Variants in SPARCL1 observed in about 807,000 individuals in gnomAD.
The protein encoded by SPARCL1 is SPARC-like protein 1.
SPARCL1 carries 52 observed loss-of-function variants against 67.1 expected under a neutral mutation model. The observed-to-expected ratio is 0.78, with a 90% CI of 0.62 to 0.98. The LOEUF is 0.98. Ranked by LOEUF, SPARCL1 falls within the 50% of genes least tolerant of loss-of-function variation. The probability of loss-of-function intolerance (pLI) is 0.00; values close to 1 mark genes in which losing one functional copy is unlikely to be tolerated. For synonymous variants in SPARCL1, 226 were observed against 267.8 expected (o/e 0.84, Z 1.52); for missense variants, 717 against 782.4 (o/e 0.92, Z 1.00).
intron 1 of SPARCL1, among the ~76,000 whole-genome samples, chr4:87,510,528 G>A (rs189137725): frequency 4.6e-5 from 7 of 152,272 alleles, no homozygotes; most frequent in Admixed American, 2.0e-4. Flanking sequence ...GCCTGATGTC[G>A]AGAAGAAGCG....
In SPARCL1 at chr4:87,490,174, A is replaced by G. The variant is rs569872395; in HGVS notation, c.1531+99T>C. The G allele has an allele frequency of 6.9e-6, 9 of 1,311,758 alleles. No individual in the cohort carries two copies. In the African/African-American group the frequency reaches 1.2e-4, roughly 18 times the overall value. 81.3% of individuals were successfully genotyped at this position (1,311,758 alleles called of 1,614,324 possible). ...TGATAATTTTTGTGTTCAGAACTAC[A>G]TCAGCTTTTCCCTGTTTGCATATAG... On this transcript the variant is annotated intron_variant, in intron 7 of 10. Coordinates refer to ENST00000282470, the MANE Select transcript of SPARCL1 (RefSeq NM_004684.6).
intron 2 of SPARCL1, among the ~76,000 whole-genome samples, chr4:87,496,458 A>G (rs570943477): frequency 6.6e-6 from 1 of 152,178 alleles, no homozygotes; most frequent in Admixed American, 6.5e-5. Flanking sequence ...AACTCAAGCA[A>G]TCTTCCTGTC....
chr4:87,494,159 T>C lies in SPARCL1; in HGVS notation c.641A>G (p.His214Arg). 2 of 1,613,866 alleles carry C rather than the reference T, an allele frequency of 1.2e-6. No homozygotes were observed. Among genetic ancestry groups the C allele is most frequent in the Non-Finnish European group, 1.7e-6 (2 of 1,180,022 alleles). ...TGTCTTTCTTTCTTGGTTATCATTGTGGGTACCAACTTCACCTGGCTCTTT... is the reference window on the plus strand; with the variant it reads ...TGTCTTTCTTTCTTGGTTATCATTGCGGGTACCAACTTCACCTGGCTCTTT... ...EEKEPGEVGT[H>R]NDNQERKTEL... Residue 214 changes from histidine to arginine, a missense_variant, in exon 4 of 11, where the codon CAC becomes CGC. His to Arg is a conservative substitution (Grantham distance 29). Coordinates refer to ENST00000282470, the MANE Select transcript of SPARCL1 (RefSeq NM_004684.6).
chr4:87,513,520 C>T (rs545606759), intron 1 of SPARCL1, among the ~76,000 whole-genome samples: 17 of 152,276 alleles, frequency 1.1e-4, no homozygotes, highest in African/African-American at 3.1e-4. Context: ...CAGTTCCTTC[C>T]GATGTCAAAG....
intron 1 of SPARCL1, among the ~76,000 whole-genome samples, chr4:87,523,544 A>C (rs1400866378): frequency 1.3e-5 from 2 of 152,180 alleles, no homozygotes; most frequent in Admixed American, 1.3e-4. Context: ...CTGGGGATTA[A>C]ATTTGCAGCA....
At chr4:87,523,260 C>A (rs377359974) in intron 1 of SPARCL1, among the ~76,000 whole-genome samples, 221 of 140,184 alleles carry the variant, frequency 1.6e-3, no homozygotes, top group African/African-American at 2.3e-3. Flanking sequence ...GACTCTGTCT[C>A]AAAAAAAAAA....
rs1188563356 is a variant in SPARCL1 at position 87,518,253 on chromosome 4, A to G, written c.-12+10792T>C. ...AGCAAGGAAAAGACACAGCTTGCCCACAGCTGGTCCACAGCTGTTAATTCT... is the reference window on the plus strand; with the variant it reads ...AGCAAGGAAAAGACACAGCTTGCCCGCAGCTGGTCCACAGCTGTTAATTCT... On this transcript the variant is annotated intron_variant, in intron 1 of 10. Transcript: ENST00000282470. 2.6e-5 allele frequency among the ~76,000 whole-genome samples: 4 copies of G among 152,330 alleles called. No homozygotes were observed. In the East Asian group the frequency reaches 7.7e-4, roughly 29 times the overall value.
At chr4:87,517,803 TG>T in intron 1 of SPARCL1, among the ~76,000 whole-genome samples, 1 of 152,158 alleles carries the variant, frequency 6.6e-6, no homozygotes, top group East Asian at 1.9e-4. Flanking sequence ...AATTATTTAT[TG>T]GGGGGTAGTT....
rs543571417 is a variant in SPARCL1 at position 87,520,148 on chromosome 4, G to A, written c.-12+8897C>T. Reference sequence around the variant, plus strand: ...CCAGCTACTCAGGAGGCTGAGGCAGGAGAATCACTTGAGCTGGGTAGGCGG... The same window carrying A: ...CCAGCTACTCAGGAGGCTGAGGCAGAAGAATCACTTGAGCTGGGTAGGCGG... On this transcript the variant is annotated intron_variant, in intron 1 of 10. Coordinates refer to ENST00000282470, the MANE Select transcript of SPARCL1 (RefSeq NM_004684.6). Among the ~76,000 whole-genome samples, 19 of 149,848 alleles carry A rather than the reference G, an allele frequency of 1.3e-4. No homozygotes were observed. In the South Asian group the frequency reaches 3.4e-3, roughly 27 times the overall value.
chr4:87,524,491 G>C (rs1215071063), intron 1 of SPARCL1, among the ~76,000 whole-genome samples: 1 of 152,126 alleles, frequency 6.6e-6, no homozygotes, highest in Non-Finnish European at 1.5e-5. Flanking sequence ...GGACCTTCAG[G>C]CTTCTAAAAA....
At chr4:87,492,976 A>G (rs918749724) in intron 4 of SPARCL1, among the ~76,000 whole-genome samples, 2 of 152,218 alleles carry the variant, frequency 1.3e-5, no homozygotes, top group Non-Finnish European at 2.9e-5. Flanking sequence ...TTTGTTGGAC[A>G]CTGGTGATTC....
In SPARCL1 at chr4:87,493,756, G is replaced by A. The variant is rs770599706; in HGVS notation, c.1044C>T (p.Gly348=). The part of the protein sequence containing the change: ...DDDGDDDGDD[G]GTDGPRHSAS... ...CACTGTGCCTGGGGCCATCAGTGCC[G>A]CCATCATCGCCATCATCATCGCCAT... The change falls in exon 4 of 11, where the codon GGC becomes GGT. Residue 348 remains glycine, a synonymous_variant. Transcript: ENST00000282470. 4.0e-5 allele frequency: 65 copies of A among 1,613,934 alleles called. No homozygotes were observed. Among genetic ancestry groups the A allele is most frequent in the South Asian group, 5.5e-5 (5 of 91,084 alleles).
At chr4:87,508,617 G>C (rs1725209764) in intron 1 of SPARCL1, among the ~76,000 whole-genome samples, 1 of 151,964 alleles carries the variant, frequency 6.6e-6, no homozygotes, top group African/African-American at 2.4e-5. Context: ...AGGAAGATTA[G>C]AGTCCTGCCT....
At chr4:87,499,491 A>T in intron 2 of SPARCL1, 30 bp downstream of exon 2, 1 of 1,561,904 alleles carries the variant, frequency 6.4e-7, no homozygotes, top group South Asian at 1.1e-5. Flanking sequence ...CAGGAGAAAG[A>T]GATGTAATAA....
intron 2 of SPARCL1, among the ~76,000 whole-genome samples, chr4:87,498,645 T>C (rs1404713450): frequency 1.3e-5 from 2 of 152,198 alleles, no homozygotes; most frequent in African/African-American, 4.8e-5. Context: ...GCTGTGCAAA[T>C]GGGGCCAATA....
At chr4:87,483,522 T>C (rs549216132) in intron 7 of SPARCL1, among the ~76,000 whole-genome samples, 1 of 152,216 alleles carries the variant, frequency 6.6e-6, no homozygotes, top group Non-Finnish European at 1.5e-5. Flanking sequence ...GTCTTTACTA[T>C]TGTGAACAGT....
At chr4:87,515,455 T>C (rs1175872663) in intron 1 of SPARCL1, among the ~76,000 whole-genome samples, 1 of 152,232 alleles carries the variant, frequency 6.6e-6, no homozygotes, top group South Asian at 2.1e-4. Flanking sequence ...ACCCCAATAA[T>C]GAATAATTCA....
intron 1 of SPARCL1, chr4:87,528,438 G>A (rs1225802569): frequency 1.3e-5 from 2 of 151,844 alleles, no homozygotes; most frequent in South Asian, 4.1e-4. Flanking sequence ...AATGATAGTA[G>A]GAGGCAAAAA....
chr4:87,487,885 T>C (rs192061166), intron 7 of SPARCL1, among the ~76,000 whole-genome samples: 204 of 152,322 alleles, frequency 1.3e-3, no homozygotes, highest in African/African-American at 4.7e-3. Flanking sequence ...TTAATCGATT[T>C]GGATATTGAT....
Sources: gnomAD v4.1 joint callset for allele counts (sites outside exome capture counted in the v4.1 genomes callset) on GRCh38, gnomAD v4.1.1 for gene constraint, MANE v1.5 for transcripts, NCBI Gene and HGNC (gene_info 2026-07-23, HGNC 2026-07-21) for gene names.